ITGAD: variants seen among roughly 807,000 people sequenced by gnomAD.
ITGAD encodes the protein integrin subunit alpha D, also known as integrin alpha-D.
A neutral mutation model predicts 139.0 loss-of-function variants in ITGAD; 105 were observed. That is an observed-to-expected ratio of 0.76 (90% CI 0.65 to 0.89). ITGAD has a LOEUF of 0.89. Among genes scored for constraint, ITGAD ranks in the 40% least tolerant of loss-of-function variants. The pLI is 0.00. For synonymous variants in ITGAD, 569 were observed against 598.3 expected, an observed-to-expected ratio of 0.95 and a Z score of 0.71; for missense variants, 1,384 against 1,487.3, an observed-to-expected ratio of 0.93 and a Z score of 1.14.
At chr16:31,417,059 T>A (rs886112637) in intron 20 of ITGAD, among the ~76,000 whole-genome samples, 1 of 118,528 alleles carries the variant, frequency 8.4e-6, no homozygotes, top group Admixed American at 9.9e-5. Flanking sequence ...CCCTCTTTTT[T>A]TTGAGACTGA....
chr16:31,403,791 C>T lies in ITGAD; in HGVS notation c.704+146C>T. 1.0e-6 allele frequency: 1 copy of T among 986,850 alleles called. No individual in the cohort carries two copies. 61.1% of individuals were successfully genotyped at this position (986,850 alleles called of 1,614,324 possible). On this transcript the variant is annotated intron_variant, in intron 7 of 29. Transcript: ENST00000389202. This position sits in a 1 kb window ranked among gnomAD's most constrained non-coding sequence, Gnocchi z 4.4. ...TGTCGGGGCTGCAGGGAGAACCTCCCCCCGGGGTGCTCCTGGTTGCCTCGC... is the reference window on the plus strand; with the variant it reads ...TGTCGGGGCTGCAGGGAGAACCTCCTCCCGGGGTGCTCCTGGTTGCCTCGC...
chr16:31,409,911 C>CAAAAAA (rs11447533), intron 10 of ITGAD, among the ~76,000 whole-genome samples: 1 of 89,746 alleles, frequency 1.1e-5, no homozygotes, highest in Admixed American at 1.3e-4. Context: ...CAGCCTGTCT[C>CAAAAAA]AAAAAAAAAA....
intron 5 of ITGAD, among the ~76,000 whole-genome samples, chr16:31,398,467 C>T (rs563953329): frequency 1.3e-5 from 2 of 150,844 alleles, no homozygotes; most frequent in Admixed American, 1.3e-4. Context: ...TTCTGTCAGG[C>T]TGCATGCACC....
intron 5 of ITGAD, among the ~76,000 whole-genome samples, chr16:31,398,593 TC>T (rs970031567): frequency 6.6e-6 from 1 of 151,888 alleles, no homozygotes; most frequent in Non-Finnish European, 1.5e-5. Context: ...GTGATCCTCC[TC>T]CCTTAGCCTA....
Position 31,416,700 on chromosome 16 carries a change from C to T in ITGAD, c.2499+54C>T, listed in dbSNP as rs972652341. The T allele has an allele frequency of 5.2e-6, 8 of 1,542,372 alleles. No homozygotes were observed. The African/African-American group carries it at 9.6e-5, about 18-fold the overall frequency. The stretch of plus-strand genomic sequence containing the variant: ...GGGGGCCTCTCCCCTGCCCTGTAGC[C>T]CCGGGAGTTACACAGTGTTCTTCAA... On this transcript the variant is annotated intron_variant, in intron 20 of 29. Transcript: ENST00000389202.
intron 23 of ITGAD, among the ~76,000 whole-genome samples, chr16:31,421,652 T>A (rs2082008811): frequency 6.6e-6 from 1 of 152,106 alleles, no homozygotes; most frequent in Non-Finnish European, 1.5e-5. Flanking sequence ...TGCTGGGCAC[T>A]ACCAAGCCCT....
rs368633064 is a variant in ITGAD at position 31,403,792 on chromosome 16, C to T, written c.704+147C>T. ...GTCGGGGCTGCAGGGAGAACCTCCC[C>T]CCGGGGTGCTCCTGGTTGCCTCGCT... On this transcript the variant is annotated intron_variant, in intron 7 of 29. Coordinates refer to ENST00000389202, the MANE Select transcript of ITGAD (RefSeq NM_005353.3). This position sits in a 1 kb window ranked among gnomAD's most constrained non-coding sequence, Gnocchi z 4.4. 4 of 986,922 alleles carry T rather than the reference C, an allele frequency of 4.1e-6. No individual in the cohort carries two copies. The highest frequency in any genetic ancestry group is 5.9e-6 in the Non-Finnish European group (4 of 676,878). The allele number at this position is 986,922 out of a possible 1,614,324, so 61.1% of individuals were successfully genotyped here.
Position 31,410,861 on chromosome 16 carries a change from G to T in ITGAD, c.1339G>T (p.Glu447Ter), listed in dbSNP as rs771699236. The T allele has an allele frequency of 1.2e-6, 2 of 1,606,486 alleles. No homozygotes were observed. Among genetic ancestry groups the T allele is most frequent in the Non-Finnish European group, 1.7e-6 (2 of 1,175,686 alleles). The change falls in exon 12 of 30, where the codon GAA becomes TAA. Residue 447 changes from glutamate to a stop codon, truncating the protein, a stop_gained. Coordinates refer to ENST00000389202, the MANE Select transcript of ITGAD (RefSeq NM_005353.3). LOFTEE classifies it high-confidence loss of function. ...QVSRQWRKKAEVTGTQIGSYF... is the reference protein window; with the variant it reads ...QVSRQWRKKA The stretch of plus-strand genomic sequence containing the variant: ...GTCCAGGCAATGGAGGAAGAAGGCC[G>T]AAGTCACAGGGACGCAGGTTGGGCG...
At chr16:31,409,712 T>A (rs368906915) in intron 10 of ITGAD, among the ~76,000 whole-genome samples, 22 of 151,522 alleles carry the variant, frequency 1.5e-4, no homozygotes, top group South Asian at 6.3e-4. Context: ...GAGTTTGAGA[T>A]CAGCCTGGGC....
At chr16:31,402,413 G>T (rs575043832) in intron 6 of ITGAD, among the ~76,000 whole-genome samples, 168 bp downstream of exon 6, 2 of 152,242 alleles carry the variant, frequency 1.3e-5, no homozygotes, top group Admixed American at 6.5e-5. Flanking sequence ...TGACCTAGGA[G>T]GCCCTCTTGG....
At position 31,424,512 on chromosome 16, in the gene ITGAD, A is replaced by G; in HGVS notation, c.3307A>G (p.Ile1103Val). The change falls in exon 29 of 30, where the codon ATC becomes GTC. Residue 1103 changes from isoleucine (I) to valine (V), a missense_variant. Ile to Val is a conservative substitution (Grantham distance 29). Transcript: ENST00000389202. ...EEDEVYNAIPIIMGSSVGALL... is the reference protein window; with the variant it reads ...EEDEVYNAIPVIMGSSVGALL... ...AGACGAGGTCTACAATGCCATTCCC[A>G]TCATCATGGGCAGCTCTGTGGGGGC... 1 of 1,614,064 alleles carries G rather than the reference A, an allele frequency of 6.2e-7. No homozygotes were observed.
intron 2 of ITGAD, among the ~76,000 whole-genome samples, chr16:31,397,039 A>G (rs917183592): frequency 2.0e-5 from 3 of 148,746 alleles, no homozygotes; most frequent in Non-Finnish European, 4.4e-5. Flanking sequence ...TGATTGGGAA[A>G]TGCCATTTTG....
chr16:31,421,298 T>G lies in ITGAD; in HGVS notation c.2781-1816T>G, dbSNP rs75202932. Among the ~76,000 whole-genome samples the G allele has an allele frequency of 3.2e-4, 49 of 151,722 alleles. No homozygotes were observed. The East Asian group carries it at 9.3e-3, about 29-fold the overall frequency. ...AAGGACTGGGGAAAGCTGGGTGGTTTACTTAGATCTGAAAACAGGCTTAGG... is the reference window on the plus strand; with the variant it reads ...AAGGACTGGGGAAAGCTGGGTGGTTGACTTAGATCTGAAAACAGGCTTAGG... On this transcript the variant is annotated intron_variant, in intron 23 of 29. Transcript: ENST00000389202.
At position 31,424,189 on chromosome 16, in the gene ITGAD, T is replaced by C; in HGVS notation, c.3247T>C (p.Phe1083Leu). Residue 1083 changes from phenylalanine (F) to leucine (L), a missense_variant, in exon 28 of 30, where the codon TTT (phenylalanine) becomes CTT (leucine). Physicochemically the swap from Phe to Leu is conservative, Grantham distance 22. Transcript: ENST00000389202. ...VYSQLPGQEA[F>L]MRAQMEMVLE... ...CTCCCAGCTTCCAGGACAGGAGGCA[T>C]TTATGAGAGCTCAGGTAGAGACCAT... 1 of 1,614,162 alleles carries C rather than the reference T, an allele frequency of 6.2e-7. No homozygotes were observed. The highest frequency in any genetic ancestry group is 1.1e-5 in the South Asian group (1 of 91,090).
chr16:31,415,636 GC>G lies in ITGAD; in HGVS notation c.2284-575del, dbSNP rs2081865980. On this transcript the variant is annotated intron_variant, in intron 18 of 29. Transcript: ENST00000389202. ...CAAGTTTCCTCATTCCTACCTCTGT[GC>G]CTTTGTCCCTGTTTCGCCCCTCACT... 3.9e-5 allele frequency among the ~76,000 whole-genome samples: 6 copies of G among 152,188 alleles called. No individual in the cohort carries two copies. In the Middle Eastern group the frequency reaches 0.02, roughly 518 times the overall value.
rs765383458 is a variant in ITGAD at position 31,397,868 on chromosome 16, C to T, written c.386C>T (p.Ser129Leu). Reference protein sequence around the residue: ...YSKGSCLLLGSRWEIIQTVPD... With the variant: ...YSKGSCLLLGLRWEIIQTVPD... Reference sequence around the variant, plus strand: ...AAGGGTTCCTGCCTCCTGCTGGGCTCGCGCTGGGAGATCATCCAGACAGTC... The same window carrying T: ...AAGGGTTCCTGCCTCCTGCTGGGCTTGCGCTGGGAGATCATCCAGACAGTC... Residue 129 changes from serine to leucine, a missense_variant, in exon 5 of 30, where the codon TCG becomes TTG. Transcript: ENST00000389202. The T allele has an allele frequency of 2.9e-5, 46 of 1,613,516 alleles. No homozygotes were observed. Among genetic ancestry groups the T allele is most frequent in the African/African-American group, 6.7e-5 (5 of 74,926 alleles).
intron 5 of ITGAD, among the ~76,000 whole-genome samples, chr16:31,398,732 C>T (rs559137568): frequency 6.6e-6 from 1 of 152,230 alleles, no homozygotes; most frequent in Admixed American, 6.5e-5. Context: ...TAATCCTCTG[C>T]CACAGCCTCT....
At position 31,412,820 on chromosome 16, in the gene ITGAD, C is replaced by A. The variant is rs2081764557; in HGVS notation, c.1708-18C>A. 1 of 1,613,440 alleles carries A rather than the reference C, an allele frequency of 6.2e-7. No homozygotes were observed. The highest frequency in any genetic ancestry group is 8.5e-7 in the Non-Finnish European group (1 of 1,179,926). On this transcript the variant is annotated intron_variant, in intron 14 of 29. Transcript: ENST00000389202. The stretch of plus-strand genomic sequence containing the variant: ...CCCCCATCTTCCAGCCTGATTCACC[C>A]TTTTCTCTTCTGGCCAGCGGATTGC...
intron 5 of ITGAD, 123 bp from the exon 6 acceptor site, chr16:31,401,992 C>T: frequency 8.5e-7 from 1 of 1,179,252 alleles, no homozygotes; most frequent in East Asian, 2.5e-5. Flanking sequence ...GGGCCTCCTC[C>T]AAGGAGGGGT....
Sources: allele counts gnomAD v4.1 joint callset (sites outside exome capture counted in the v4.1 genomes callset), GRCh38; gene constraint gnomAD v4.1.1; non-coding constraint Gnocchi (gnomAD v3.1); transcripts MANE v1.5; gene names NCBI Gene and HGNC (gene_info 2026-07-23, HGNC 2026-07-21).